The following CCDC169 variants were observed in gnomAD, a reference collection of about 807,000 sequenced individuals.
CCDC169 encodes the protein coiled-coil domain containing 169.
Under a neutral mutation model 36.0 loss-of-function variants are expected in CCDC169, and 30 were observed. That is an observed-to-expected ratio of 0.83 (90% CI 0.62 to 1.13). CCDC169 has a LOEUF of 1.13. CCDC169 is among the 50% of genes most tolerant of loss of function. The pLI, the probability that CCDC169 is intolerant of heterozygous loss-of-function variation, is 0.00. For synonymous variants in CCDC169, 85 were observed against 81.5 expected (o/e 1.04, Z -0.23); for missense variants, 245 against 245.9 (o/e 1.00, Z 0.03).
At chr13:36,233,233 GTGTC>G (rs375352502) in intron 7 of CCDC169, among the ~76,000 whole-genome samples, 61,267 of 151,626 alleles carry the variant, frequency 0.4, 13,100 homozygotes, top group Non-Finnish European at 0.48. Flanking sequence ...AGAGACTTCA[GTGTC>G]CACCCCAACA....
At position 36,297,812 on chromosome 13, in the gene CCDC169, G is replaced by C; in HGVS notation, c.-93C>G. On this transcript the variant is annotated 5_prime_UTR_variant, in exon 1 of 8. Coordinates refer to ENST00000239859, the MANE Select transcript of CCDC169 (RefSeq NM_001144981.3). Reference sequence around the variant, plus strand: ...CCCAGAAGCCAGTACGGCACGAGGCGGTGAACCCCAACCGCCCCCCGGTCG... The same window carrying C: ...CCCAGAAGCCAGTACGGCACGAGGCCGTGAACCCCAACCGCCCCCCGGTCG... 1 of 1,239,686 alleles carries C rather than the reference G, an allele frequency of 8.1e-7. No individual in the cohort carries two copies. 76.8% of individuals were successfully genotyped at this position (1,239,686 alleles called of 1,614,324 possible).
At chr13:36,282,588 C>A (rs1877670512) in intron 4 of CCDC169, 1 of 975,090 alleles carries the variant, frequency 1.0e-6, no homozygotes, top group Admixed American at 6.2e-5. Flanking sequence ...TTCCTTTCTG[C>A]TTGGTCTGTG....
chr13:36,273,742 T>C (rs1225507556), intron 4 of CCDC169, among the ~76,000 whole-genome samples: 4 of 152,232 alleles, frequency 2.6e-5, no homozygotes, highest in African/African-American at 9.6e-5. Flanking sequence ...AATTTTTTTG[T>C]AATGTACTAA....
chr13:36,229,027 T>A (rs558355563), downstream of CCDC169, among the ~76,000 whole-genome samples: 1 of 152,344 alleles, frequency 6.6e-6, no homozygotes, highest in African/African-American at 2.4e-5. Context: ...TTAATTTTTA[T>A]TTTCATCTTT....
chr13:36,284,967 CAAG>C (rs899094414), intron 2 of CCDC169, among the ~76,000 whole-genome samples: 1 of 151,982 alleles, frequency 6.6e-6, no homozygotes, highest in Non-Finnish European at 1.5e-5. Flanking sequence ...TGGAAAGGTA[CAAG>C]AAGAAAGGAG....
intron 4 of CCDC169, among the ~76,000 whole-genome samples, chr13:36,261,542 A>C (rs1874606042): frequency 6.6e-6 from 1 of 152,114 alleles, no homozygotes; most frequent in African/African-American, 2.4e-5. Context: ...TTGTTTTTTC[A>C]CTCAAAAGGG....
intron 4 of CCDC169, among the ~76,000 whole-genome samples, chr13:36,257,471 C>T (rs1047225066): frequency 2.6e-5 from 4 of 150,998 alleles, no homozygotes; most frequent in South Asian, 2.1e-4. Flanking sequence ...TTTGGGAGGC[C>T]GAGGCAGGCA....
chr13:36,285,411 A>T (rs1247338321), intron 2 of CCDC169, among the ~76,000 whole-genome samples: 1 of 152,056 alleles, frequency 6.6e-6, no homozygotes, highest in Non-Finnish European at 1.5e-5. Context: ...TTAGCCAGGC[A>T]TGGTGGCAGG....
downstream of CCDC169, among the ~76,000 whole-genome samples, chr13:36,229,079 C>T (rs1870145446): frequency 6.6e-6 from 1 of 152,060 alleles, no homozygotes; most frequent in Non-Finnish European, 1.5e-5. Flanking sequence ...TTAGTAAAAG[C>T]TAATTCACAT....
downstream of CCDC169, chr13:36,227,468 G>A: frequency 7.5e-7 from 1 of 1,326,030 alleles, no homozygotes; most frequent in Admixed American, 3.3e-5. Flanking sequence ...CCAGTTTATT[G>A]TATTTTTACA....
intron 2 of CCDC169, among the ~76,000 whole-genome samples, chr13:36,294,440 C>A (rs1038995378): frequency 8.5e-5 from 13 of 152,184 alleles, no homozygotes; most frequent in African/African-American, 3.1e-4. Flanking sequence ...GAAGCTACTT[C>A]AGCCTTGGGA....
intron 4 of CCDC169, among the ~76,000 whole-genome samples, chr13:36,254,519 C>T (rs1019194786): frequency 6.6e-6 from 1 of 151,964 alleles, no homozygotes; most frequent in African/African-American, 2.4e-5. Flanking sequence ...TCAGGTGATC[C>T]ACCCACCTCA....
At chr13:36,289,333 C>T (rs1178771252) in intron 2 of CCDC169, among the ~76,000 whole-genome samples, 2 of 152,130 alleles carry the variant, frequency 1.3e-5, no homozygotes, top group Non-Finnish European at 2.9e-5. Flanking sequence ...ACTGTTGTGG[C>T]CTGATGCTAA....
At chr13:36,283,804 A>G (rs1877837477) in intron 2 of CCDC169, 102 bp from the exon 3 acceptor site, 1 of 885,594 alleles carries the variant, frequency 1.1e-6, no homozygotes, top group Non-Finnish European at 1.7e-6. Context: ...ACTATATTTG[A>G]CTTTATTGGC....
intron 7 of CCDC169, among the ~76,000 whole-genome samples, chr13:36,237,265 T>C (rs1487440602): frequency 6.6e-6 from 1 of 152,054 alleles, no homozygotes; most frequent in East Asian, 1.9e-4. Flanking sequence ...TCCACTAGGA[T>C]GGTTAAATTT....
Position 36,231,141 on chromosome 13 carries a change from T to C in CCDC169, c.*52A>G. ...CTGACCATTAACTTTATAACTTGAATATTATAAATGGAAAAAAAAAGGAAG... is the reference window on the plus strand; with the variant it reads ...CTGACCATTAACTTTATAACTTGAACATTATAAATGGAAAAAAAAAGGAAG... On this transcript the variant is annotated 3_prime_UTR_variant, in exon 8 of 8. Coordinates refer to ENST00000239859, the MANE Select transcript of CCDC169 (RefSeq NM_001144981.3). 1 of 1,512,964 alleles carries C rather than the reference T, an allele frequency of 6.6e-7. No homozygotes were observed. Among genetic ancestry groups the C allele is most frequent in the Non-Finnish European group, 8.8e-7 (1 of 1,130,452 alleles). 93.7% of individuals were successfully genotyped at this position (1,512,964 alleles called of 1,614,324 possible). A position where few individuals can be genotyped will look rare whatever the true frequency, so the allele number is the denominator to read the frequency against.
chr13:36,231,458 CA>C (rs368184426), intron 7 of CCDC169, among the ~76,000 whole-genome samples, 166 bp from the exon 8 acceptor site: 64 of 152,284 alleles, frequency 4.2e-4, no homozygotes, highest in South Asian at 3.5e-3. Context: ...AAATCTTAGG[CA>C]GCCTTCTGTT....
In CCDC169 at chr13:36,297,594, G is replaced by C. The variant is rs938494171; in HGVS notation, c.83+43C>G. ...TGAGACTCTGCAGGTGAAGGCTCGG[G>C]GGGTGTGGACGGGACCCCACACCGC... On this transcript the variant is annotated intron_variant, in intron 1 of 7. Transcript: ENST00000239859. 6.5e-6 allele frequency: 10 copies of C among 1,532,956 alleles called. No homozygotes were observed. In the African/African-American group the frequency reaches 9.6e-5, roughly 15 times the overall value. The allele number at this position is 1,532,956 out of a possible 1,614,324, so 95.0% of individuals were successfully genotyped here.
At chr13:36,264,105 A>G (rs1874955277) in intron 4 of CCDC169, among the ~76,000 whole-genome samples, 1 of 152,224 alleles carries the variant, frequency 6.6e-6, no homozygotes, top group Non-Finnish European at 1.5e-5. Context: ...ACTTTCTGAA[A>G]CACAAATTAT....
Sources: gnomAD v4.1 joint callset for allele counts (sites outside exome capture counted in the v4.1 genomes callset) on GRCh38, gnomAD v4.1.1 for gene constraint, MANE v1.5 for transcripts, NCBI Gene and HGNC (gene_info 2026-07-23, HGNC 2026-07-21) for gene names.